PCDH9: variants seen among roughly 807,000 people sequenced by gnomAD.
PCDH9 encodes protocadherin 9, also known as protocadherin-9.
A neutral mutation model predicts 70.6 loss-of-function variants in PCDH9; 24 were observed. That is an observed-to-expected ratio of 0.34 (90% CI 0.25 to 0.48). PCDH9 has a LOEUF of 0.48. PCDH9 is among the 20% of genes least tolerant of loss of function. PCDH9 has a pLI of 0.99. For synonymous variants in PCDH9, 562 were observed against 558.5 expected (o/e 1.01, Z -0.09); for missense variants, 1,281 against 1,503.6 (o/e 0.85, Z 2.45).
intron 4 of PCDH9, among the ~76,000 whole-genome samples, chr13:66,325,435 T>A (rs1024943602): frequency 2.6e-5 from 4 of 151,986 alleles, no homozygotes; most frequent in African/African-American, 9.7e-5. Flanking sequence ...GGGAGAAAAG[T>A]TTCTAGAAGC....
intron 4 of PCDH9, among the ~76,000 whole-genome samples, chr13:66,557,363 A>G (rs1466286384): frequency 6.6e-6 from 1 of 152,236 alleles, no homozygotes; most frequent in Non-Finnish European, 1.5e-5. Context: ...CAAATTATCA[A>G]TAACAAACAA....
At chr13:66,549,117 A>C (rs1961351447) in intron 4 of PCDH9, among the ~76,000 whole-genome samples, 1 of 152,096 alleles carries the variant, frequency 6.6e-6, no homozygotes, top group East Asian at 1.9e-4. Context: ...GGTAGCTTTG[A>C]CAATTTTTGA....
chr13:66,575,407 A>G (rs1219533520), intron 4 of PCDH9, among the ~76,000 whole-genome samples: 1 of 152,066 alleles, frequency 6.6e-6, no homozygotes, highest in African/African-American at 2.4e-5. Context: ...TATTCCCTGA[A>G]TCCTCCTCAC....
intron 3 of PCDH9, among the ~76,000 whole-genome samples, chr13:66,735,857 A>G (rs1376249247): frequency 1.3e-5 from 2 of 151,992 alleles, no homozygotes; most frequent in Admixed American, 6.6e-5. Flanking sequence ...CCATCTACTC[A>G]GGAGGCTGAG....
intron 2 of PCDH9, among the ~76,000 whole-genome samples, chr13:67,067,984 G>C (rs1204969622): frequency 6.6e-6 from 1 of 152,022 alleles, no homozygotes; most frequent in African/African-American, 2.4e-5. Context: ...ACAGCATGTA[G>C]TTTTGATAGC....
chr13:66,311,370 G>C (rs566361754), intron 4 of PCDH9, among the ~76,000 whole-genome samples: 1,883 of 104,000 alleles, frequency 0.018, 16 homozygotes, highest in Non-Finnish European at 0.028. Context: ...CTCTCTCTGT[G>C]TGTGTGTGTG....
intron 3 of PCDH9, among the ~76,000 whole-genome samples, chr13:66,805,727 T>C (rs1268233358): frequency 6.6e-6 from 1 of 152,200 alleles, no homozygotes; most frequent in Non-Finnish European, 1.5e-5. Context: ...TATGTCCTCA[T>C]ATCAAGATGA....
intron 2 of PCDH9, among the ~76,000 whole-genome samples, chr13:67,083,847 C>A (rs773550083): frequency 6.6e-6 from 1 of 152,108 alleles, no homozygotes; most frequent in Non-Finnish European, 1.5e-5. Flanking sequence ...AATGGGTTAA[C>A]AATTCAGTTT....
chr13:66,980,730 G>GTTTTTTTTTTTTTTTTTTTTTTT, intron 2 of PCDH9, among the ~76,000 whole-genome samples: 13 of 70,892 alleles, frequency 1.8e-4, no homozygotes, highest in South Asian at 5.9e-4. Flanking sequence ...TTTTTTCTTT[G>GTTTTTTTTTTTTTTTTTTTTTTT]TTTTTTTTTT....
At chr13:66,843,842 A>G (rs1189048223) in intron 3 of PCDH9, among the ~76,000 whole-genome samples, 2 of 152,224 alleles carry the variant, frequency 1.3e-5, no homozygotes, top group Non-Finnish European at 2.9e-5. Context: ...AAATGAATGT[A>G]TCCAAACTAC....
intron 2 of PCDH9, among the ~76,000 whole-genome samples, chr13:67,124,138 A>AGG (rs1003325269): frequency 6.6e-6 from 1 of 152,134 alleles, no homozygotes; most frequent in Admixed American, 6.6e-5. Flanking sequence ...AAATGCATGC[A>AGG]CTCTTTAACT....
chr13:67,115,902 T>C (rs1210862705), intron 2 of PCDH9, among the ~76,000 whole-genome samples: 1 of 152,184 alleles, frequency 6.6e-6, no homozygotes, highest in Non-Finnish European at 1.5e-5. Flanking sequence ...AATTTTATCA[T>C]TTATCAACTT....
rs186825952 is a variant in PCDH9, at chr13:66,938,784, T to C, written c.3037-35179A>G. ...AAATTAATATAATCACGCTTTGCTT[T>C]TGAGTAATATGTGTACATTTTTTAC... On this transcript the variant is annotated intron_variant, in intron 2 of 4. Transcript: ENST00000377865. Among the ~76,000 whole-genome samples the C allele has an allele frequency of 1.6e-3, 244 of 152,302 alleles. 1 individual carries two copies. The highest frequency in any genetic ancestry group is 5.4e-3 in the African/African-American group (223 of 41,572).
chr13:66,821,225 C>T (rs1475685619), intron 3 of PCDH9, among the ~76,000 whole-genome samples: 4 of 151,942 alleles, frequency 2.6e-5, no homozygotes, highest in African/African-American at 9.7e-5. Flanking sequence ...GTATTTTACA[C>T]TAGATAAATA....
At chr13:67,069,507 C>T (rs144123477) in intron 2 of PCDH9, among the ~76,000 whole-genome samples, 4 of 152,056 alleles carry the variant, frequency 2.6e-5, no homozygotes, top group Admixed American at 2.0e-4. Flanking sequence ...ACCTTTACAT[C>T]GAAACCATAG....
intron 2 of PCDH9, among the ~76,000 whole-genome samples, chr13:67,163,872 G>A (rs1216018106): frequency 6.6e-6 from 1 of 152,112 alleles, no homozygotes; most frequent in East Asian, 1.9e-4. Context: ...CTGAAACCAA[G>A]CCATTACAAT....
intron 2 of PCDH9, among the ~76,000 whole-genome samples, chr13:67,190,013 C>A (rs2088866908): frequency 6.6e-6 from 1 of 151,922 alleles, no homozygotes; most frequent in African/African-American, 2.4e-5. Context: ...AATATTTATG[C>A]CCTTCTTGAC....
chr13:67,139,252 T>C (rs2087312035), intron 2 of PCDH9, among the ~76,000 whole-genome samples: 1 of 152,204 alleles, frequency 6.6e-6, no homozygotes, highest in African/African-American at 2.4e-5. Flanking sequence ...ATTTGCTTCA[T>C]TAAAATAATT....
chr13:66,965,080 G>A (rs1274695193), intron 2 of PCDH9, among the ~76,000 whole-genome samples: 3 of 151,474 alleles, frequency 2.0e-5, no homozygotes, highest in African/African-American at 7.3e-5. Flanking sequence ...ATCCTTACAT[G>A]AAGAAGAAAA....
Sources: gnomAD v4.1 joint callset for allele counts (sites outside exome capture counted in the v4.1 genomes callset) on GRCh38, gnomAD v4.1.1 for gene constraint, MANE v1.5 for transcripts, NCBI Gene and HGNC (gene_info 2026-07-23, HGNC 2026-07-21) for gene names.